CCDC6: variants seen among roughly 807,000 people sequenced by gnomAD.
CCDC6 encodes coiled-coil domain containing 6, also known as coiled-coil domain-containing protein 6.
CCDC6 carries 20 observed loss-of-function variants against 56.6 expected under a neutral mutation model. The ratio of observed to expected loss-of-function variants is 0.35; its 90% CI spans 0.25 to 0.51. The LOEUF is 0.51. Ranked by LOEUF, CCDC6 falls within the 20% of genes least tolerant of loss-of-function variation. CCDC6 has a pLI of 0.95. For missense variants in CCDC6, 367 were observed against 601.1 expected, an observed-to-expected ratio of 0.61 and a Z score of 4.07; for synonymous variants, 241 against 234.4, an observed-to-expected ratio of 1.03 and a Z score of -0.26.
chr10:59,812,062 CAAAAA>C (rs142710534), intron 5 of CCDC6, among the ~76,000 whole-genome samples: 65,016 of 121,366 alleles, frequency 0.54, 16,397 homozygotes, highest in African/African-American at 0.69. Context: ...TTTGAATAGC[CAAAAA>C]AAAAAAAAAA....
chr10:59,900,839 A>C (rs987333379), intron 1 of CCDC6, among the ~76,000 whole-genome samples: 4 of 152,158 alleles, frequency 2.6e-5, no homozygotes, highest in African/African-American at 9.7e-5. Flanking sequence ...TGGGTGGATC[A>C]CTTTAGGCCA....
At chr10:59,900,540 A>G (rs2067800) in intron 1 of CCDC6, among the ~76,000 whole-genome samples, 13,316 of 152,204 alleles carry the variant, frequency 0.087, 718 homozygotes, top group African/African-American at 0.14. Flanking sequence ...GGGCATTCCA[A>G]TCATGCAGAG....
Position 59,789,750 on chromosome 10 carries a change from A to G in CCDC6, c.*3167T>C, listed in dbSNP as rs1399604254. On this transcript the variant is annotated 3_prime_UTR_variant, in exon 9 of 9. Coordinates refer to ENST00000263102, the MANE Select transcript of CCDC6 (RefSeq NM_005436.5). ...TTGAGCTCTCAAAGCACAAGTTACT[A>G]TGCTTTTTCTTGCCTTATTGGGCAT... is the stretch of plus-strand genomic sequence containing the variant. 1 of 221,864 alleles carries G rather than the reference A, an allele frequency of 4.5e-6. No individual in the cohort carries two copies. The highest frequency in any genetic ancestry group is 6.7e-5 in the East Asian group (1 of 15,022). 13.7% of individuals were successfully genotyped at this position (221,864 alleles called of 1,614,324 possible). A position where few individuals can be genotyped will look rare whatever the true frequency, so the allele number is the denominator to read the frequency against.
At chr10:59,873,369 A>T (rs1684902) in intron 1 of CCDC6, among the ~76,000 whole-genome samples, 3 of 151,914 alleles carry the variant, frequency 2.0e-5, no homozygotes, top group East Asian at 3.9e-4. Context: ...AGATGACCAC[A>T]TGACTTCAGA....
intron 2 of CCDC6, among the ~76,000 whole-genome samples, chr10:59,843,213 GT>G (rs1418250394): frequency 7.2e-5 from 11 of 152,196 alleles, no homozygotes; most frequent in African/African-American, 2.4e-4. Flanking sequence ...ATCCTTGAAT[GT>G]TTGGTACAAC....
chr10:59,823,372 A>G (rs2070762221), intron 3 of CCDC6, among the ~76,000 whole-genome samples: 1 of 152,184 alleles, frequency 6.6e-6, no homozygotes, highest in African/African-American at 2.4e-5. Flanking sequence ...AGATGCTGCT[A>G]CGGGGCCAGC....
At chr10:59,863,937 T>G (rs906884202) in intron 1 of CCDC6, among the ~76,000 whole-genome samples, 1 of 152,180 alleles carries the variant, frequency 6.6e-6, no homozygotes, top group Admixed American at 6.5e-5. Context: ...AGCCCATCGT[T>G]CAAATATCAT....
In CCDC6 at chr10:59,852,710, A is replaced by T. The variant is rs1408419001; in HGVS notation, c.304-8T>A. ...CTGCTCAGCCCTGGCTTGCTGTTTA[A>T]AAAAAAAAAAGGAAAGAACAAAACA... On this transcript the variant is annotated splice_region_variant and splice_polypyrimidine_tract_variant and intron_variant, in intron 1 of 8. Transcript: ENST00000263102. 3.4e-6 allele frequency: 4 copies of T among 1,188,652 alleles called. No individual in the cohort carries two copies. The highest frequency in any genetic ancestry group is 3.4e-5 in the Admixed American group (1 of 29,792). The allele number at this position is 1,188,652 out of a possible 1,614,324, so 73.6% of individuals were successfully genotyped here.
chr10:59,848,250 A>G (rs1291094125), intron 2 of CCDC6, among the ~76,000 whole-genome samples: 1 of 152,236 alleles, frequency 6.6e-6, no homozygotes, highest in African/African-American at 2.4e-5. Flanking sequence ...TTTAAAGTAT[A>G]CATAGCTCAG....
intron 2 of CCDC6, among the ~76,000 whole-genome samples, chr10:59,848,774 C>T (rs941167217): frequency 2.0e-5 from 3 of 152,212 alleles, no homozygotes; most frequent in African/African-American, 4.8e-5. Context: ...AGAGCAGCAG[C>T]GTGATCTCGG....
At chr10:59,847,978 G>C (rs1222075907) in intron 2 of CCDC6, among the ~76,000 whole-genome samples, 1 of 152,052 alleles carries the variant, frequency 6.6e-6, no homozygotes, top group Non-Finnish European at 1.5e-5. Flanking sequence ...GTCTATGCGG[G>C]TTTTCTCCAG....
At chr10:59,874,124 C>CACACACACACAA (rs1212317542) in intron 1 of CCDC6, among the ~76,000 whole-genome samples, 4 of 151,380 alleles carry the variant, frequency 2.6e-5, no homozygotes, top group African/African-American at 9.7e-5. Flanking sequence ...AGCAAACACA[C>CACACACACACAA]ACACACACAC....
At chr10:59,882,069 CCGCG>C (rs2071342967) in intron 1 of CCDC6, among the ~76,000 whole-genome samples, 2 of 38,030 alleles carry the variant, frequency 5.3e-5, no homozygotes, top group African/African-American at 3.1e-4. Context: ...GAAAGGAAAG[CCGCG>C]GGGAGAAGGA....
intron 7 of CCDC6, among the ~76,000 whole-genome samples, chr10:59,796,864 G>A (rs1564736247): frequency 1.3e-5 from 2 of 151,802 alleles, no homozygotes; most frequent in South Asian, 2.1e-4. Context: ...CTAGCTATTC[G>A]GGAGTCTGAG....
At chr10:59,836,514 G>A (rs1365133994) in intron 2 of CCDC6, among the ~76,000 whole-genome samples, 1 of 152,112 alleles carries the variant, frequency 6.6e-6, no homozygotes, top group Non-Finnish European at 1.5e-5. Flanking sequence ...TTCCAATAAA[G>A]TCAAAGATCC....
At chr10:59,826,036 G>A (rs942280817) in intron 3 of CCDC6, among the ~76,000 whole-genome samples, 45 of 152,140 alleles carry the variant, frequency 3.0e-4, no homozygotes, top group African/African-American at 1.1e-3. Flanking sequence ...GTCCCATCAA[G>A]CCCCTTTAAG....
chr10:59,853,530 T>C (rs1388629341), intron 1 of CCDC6, among the ~76,000 whole-genome samples: 3 of 151,962 alleles, frequency 2.0e-5, no homozygotes, highest in Non-Finnish European at 4.4e-5. Flanking sequence ...TAAGATGTTG[T>C]CTCAAAATAA....
chr10:59,884,078 C>G (rs1433400708), intron 1 of CCDC6, among the ~76,000 whole-genome samples: 1 of 152,170 alleles, frequency 6.6e-6, no homozygotes, highest in African/African-American at 2.4e-5. Flanking sequence ...CTAAGAGAAG[C>G]ATTTGGTACT....
At chr10:59,861,432 CAAAA>C (rs55716341) in intron 1 of CCDC6, among the ~76,000 whole-genome samples, 195 of 88,952 alleles carry the variant, frequency 2.2e-3, no homozygotes, top group African/African-American at 6.0e-3. Flanking sequence ...CAAAAATTAC[CAAAA>C]AAAAAAAAAA....
Sources: allele counts gnomAD v4.1 joint callset (sites outside exome capture counted in the v4.1 genomes callset), GRCh38; gene constraint gnomAD v4.1.1; transcripts MANE v1.5; gene names NCBI Gene and HGNC (gene_info 2026-07-23, HGNC 2026-07-21).